PCCA: variants seen among roughly 807,000 people sequenced by gnomAD.
PCCA encodes propionyl-CoA carboxylase subunit alpha, also known as propionyl-CoA carboxylase alpha chain, mitochondrial.
Under a neutral mutation model 101.3 loss-of-function variants are expected in PCCA, and 74 were observed. The ratio of observed to expected loss-of-function variants is 0.73; its 90% confidence interval spans 0.61 to 0.89. The LOEUF (loss-of-function observed/expected upper bound fraction) is 0.89, where lower values mean the gene tolerates loss of function less well. PCCA is among the 40% of genes least tolerant of loss of function. PCCA has a pLI of 0.00. For synonymous variants in PCCA, 294 were observed against 313.6 expected, an observed-to-expected ratio of 0.94 and a Z score of 0.66; for missense variants, 891 against 907.0, an observed-to-expected ratio of 0.98 and a Z score of 0.23.
chr13:100,178,010 G>A (rs2056403879), intron 6 of PCCA, among the ~76,000 whole-genome samples: 1 of 152,080 alleles, frequency 6.6e-6, no homozygotes, highest in Non-Finnish European at 1.5e-5. Context: ...AAGGTGGTTA[G>A]GACTTATAGC....
intron 19 of PCCA, among the ~76,000 whole-genome samples, chr13:100,384,246 G>C (rs936031933): frequency 5.3e-4 from 80 of 152,230 alleles, no homozygotes; most frequent in African/African-American, 1.9e-3. Context: ...GGCTGATCTC[G>C]AACTCCTCAC....
intron 15 of PCCA, among the ~76,000 whole-genome samples, chr13:100,307,491 T>C (rs2066541498): frequency 6.6e-6 from 1 of 152,158 alleles, no homozygotes; most frequent in South Asian, 2.1e-4. Context: ...ATCACACACA[T>C]GCATGAACAA....
At chr13:100,250,899 C>G (rs1303603200) in intron 8 of PCCA, among the ~76,000 whole-genome samples, 2 of 152,166 alleles carry the variant, frequency 1.3e-5, no homozygotes, top group African/African-American at 2.4e-5. Context: ...CTACCCGTCA[C>G]ACTTCCTGTC....
intron 7 of PCCA, among the ~76,000 whole-genome samples, chr13:100,227,824 A>G (rs1052685820): frequency 6.6e-6 from 1 of 152,198 alleles, no homozygotes; most frequent in African/African-American, 2.4e-5. Flanking sequence ...ATTGGAAACC[A>G]TCAGGAATAC....
chr13:100,277,360 A>G (rs939408935), intron 12 of PCCA, among the ~76,000 whole-genome samples: 2 of 152,298 alleles, frequency 1.3e-5, no homozygotes, highest in Admixed American at 6.5e-5. Flanking sequence ...AAATGACGTT[A>G]GGGCAAAAAT....
At chr13:100,252,317 AAAG>A (rs761003421) in intron 8 of PCCA, among the ~76,000 whole-genome samples, 3 of 152,220 alleles carry the variant, frequency 2.0e-5, no homozygotes, top group Admixed American at 6.5e-5. Flanking sequence ...TTGGTTATTT[AAAG>A]AAGATCCCCA....
chr13:100,523,896 C>T (rs945176189), intron 22 of PCCA, among the ~76,000 whole-genome samples: 7 of 152,226 alleles, frequency 4.6e-5, no homozygotes, highest in Non-Finnish European at 7.3e-5. Context: ...GTTGGAGAAA[C>T]GTGCGCACAC....
At chr13:100,464,102 G>A (rs963349445) in intron 21 of PCCA, among the ~76,000 whole-genome samples, 4 of 152,184 alleles carry the variant, frequency 2.6e-5, no homozygotes, top group Non-Finnish European at 2.9e-5. Flanking sequence ...CTTAGAGTGA[G>A]TGGTAAAAAT....
rs2072670192 is a variant in PCCA at position 100,348,732 on chromosome 13, CTTTCTTT to C, written c.1643+8474_1643+8480del. 8.9e-5 allele frequency among the ~76,000 whole-genome samples: 9 copies of C among 100,576 alleles called. No individual in the cohort carries two copies. In the South Asian group the frequency reaches 1.2e-3, roughly 13 times the overall value. The allele number at this position is 100,576 out of a possible 152,430, so 66.0% of individuals were successfully genotyped here. On this transcript the variant is annotated intron_variant, in intron 18 of 23. Transcript: ENST00000376285. The stretch of plus-strand genomic sequence containing the variant: ...TTTTACTTTCCGTTTTTTTTCCTTT[CTTTCTTT>C]CTTTCTTTCTTTCTTTCTTTCTTTC...
In PCCA at chr13:100,120,083, G is replaced by A. The variant is rs1192254463; in HGVS notation, c.300+8022G>A. Among the ~76,000 whole-genome samples, 7 of 151,324 alleles carry A rather than the reference G, an allele frequency of 4.6e-5. No homozygotes were observed. In the East Asian group the frequency reaches 1.4e-3, roughly 29 times the overall value. ...TCACCATGTTGGCCAGGCTGGTCTCGAACTCCTGACCTCAAGTGATCCACC... is the reference window on the plus strand; with the variant it reads ...TCACCATGTTGGCCAGGCTGGTCTCAAACTCCTGACCTCAAGTGATCCACC... On this transcript the variant is annotated intron_variant, in intron 4 of 23. Coordinates refer to ENST00000376285, the MANE Select transcript of PCCA (RefSeq NM_000282.4).
chr13:100,423,041 G>A (rs1026827743), intron 19 of PCCA, among the ~76,000 whole-genome samples: 6 of 150,294 alleles, frequency 4.0e-5, no homozygotes, highest in African/African-American at 1.2e-4. Context: ...TGCAGACATC[G>A]AGTATTGGTT....
chr13:100,254,917 TAAA>T (rs60893305), intron 8 of PCCA, among the ~76,000 whole-genome samples: 1 of 140,540 alleles, frequency 7.1e-6, no homozygotes, highest in African/African-American at 2.6e-5. Flanking sequence ...CCCCCATCTT[TAAA>T]AAAAAAAAAA....
In PCCA at chr13:100,437,858, G is replaced by A. The variant is rs535232717; in HGVS notation, c.1846-11394G>A. 3.3e-5 allele frequency among the ~76,000 whole-genome samples: 5 copies of A among 151,884 alleles called. No individual in the cohort carries two copies. In the East Asian group the frequency reaches 7.7e-4, roughly 23 times the overall value. On this transcript the variant is annotated intron_variant, in intron 20 of 23. Transcript: ENST00000376285. ...TAATTTTTTGTATTTTTAGTAGAGA[G>A]GGGGTTTTACCATGTTGGCCAGGCT...
At chr13:100,450,324 G>T (rs551995641) in intron 21 of PCCA, among the ~76,000 whole-genome samples, 1 of 152,074 alleles carries the variant, frequency 6.6e-6, no homozygotes, top group South Asian at 2.1e-4. Flanking sequence ...AACTGAGGAG[G>T]TGGAGGTTGC....
At chr13:100,219,985 T>C (rs1336334278) in intron 7 of PCCA, among the ~76,000 whole-genome samples, 3 of 152,220 alleles carry the variant, frequency 2.0e-5, no homozygotes, top group Non-Finnish European at 4.4e-5. Context: ...TGTTTGACAA[T>C]GTGGTGCCTT....
intron 2 of PCCA, among the ~76,000 whole-genome samples, chr13:100,108,733 G>A (rs969441610): frequency 6.6e-6 from 1 of 152,182 alleles, no homozygotes; most frequent in African/African-American, 2.4e-5. Context: ...ATGCAGAGGG[G>A]CAGTTTTAAG....
chr13:100,293,382 C>T, intron 12 of PCCA: 2 of 272,708 alleles, frequency 7.3e-6, no homozygotes, highest in South Asian at 3.9e-5. Flanking sequence ...TGATTTTGCC[C>T]TTTGCCATTT....
At position 100,226,822 on chromosome 13, in the gene PCCA, C is replaced by T. The variant is rs541957344; in HGVS notation, c.601-9020C>T. Among the ~76,000 whole-genome samples the T allele has an allele frequency of 2.6e-5, 4 of 152,212 alleles. No homozygotes were observed. In the South Asian group the frequency reaches 6.2e-4, roughly 24 times the overall value. ...ACCTTAATTGAGTACCTACTGTGGG[C>T]CAGGTGCTGTTCTAATGTGTTTCAG... On this transcript the variant is annotated intron_variant, in intron 7 of 23. Coordinates refer to ENST00000376285, the MANE Select transcript of PCCA (RefSeq NM_000282.4).
intron 21 of PCCA, among the ~76,000 whole-genome samples, chr13:100,463,366 T>A (rs3783170): frequency 0.24 from 33,276 of 140,948 alleles, 4,783 homozygotes; most frequent in East Asian, 0.55. Flanking sequence ...TTTTGACAAC[T>A]TATGGGAGTA....
Sources: gnomAD v4.1 joint callset for allele counts (sites outside exome capture counted in the v4.1 genomes callset) on GRCh38, gnomAD v4.1.1 for gene constraint, MANE v1.5 for transcripts, NCBI Gene and HGNC (gene_info 2026-07-23, HGNC 2026-07-21) for gene names.